Variants in EPHB1 observed in about 807,000 individuals in gnomAD.
EPHB1 encodes ephrin type-B receptor 1.
EPHB1 carries 30 observed loss-of-function variants against 94.4 expected under a neutral mutation model. The ratio of observed to expected loss-of-function variants is 0.32; its 90% CI spans 0.24 to 0.43. The LOEUF (loss-of-function observed/expected upper bound fraction) is 0.43. Among genes scored for constraint, EPHB1 ranks in the 20% least tolerant of loss-of-function variants. The pLI is 1.00. For synonymous variants in EPHB1, 522 were observed against 489.1 expected (o/e 1.07, Z -0.89); for missense variants, 1,055 against 1,308.3 (o/e 0.81, Z 2.99).
At chr3:135,191,578 C>T (rs1942457129) in intron 10 of EPHB1, among the ~76,000 whole-genome samples, 1 of 151,886 alleles carries the variant, frequency 6.6e-6, no homozygotes, top group African/African-American at 2.4e-5. Flanking sequence ...TTGGAAGTAA[C>T]CAAGCCAAAT....
Position 134,820,884 on chromosome 3 carries a change from T to C in EPHB1, c.58+25195T>C, listed in dbSNP as rs73861957. Among the ~76,000 whole-genome samples the C allele has an allele frequency of 3.8e-3, 581 of 152,228 alleles. 1 individual carries two copies. Among genetic ancestry groups the C allele is most frequent in the African/African-American group, 0.013 (559 of 41,546 alleles). On this transcript the variant is annotated intron_variant, in intron 1 of 15. Transcript: ENST00000398015. The stretch of plus-strand genomic sequence containing the variant: ...TTCCAGAGAAACAGAACCAATAGGA[T>C]ATTTATTTATTTATTTAAGATTTAT...
chr3:135,242,940 G>T (rs1039570373), intron 13 of EPHB1, among the ~76,000 whole-genome samples: 1 of 152,082 alleles, frequency 6.6e-6, no homozygotes, highest in East Asian at 1.9e-4. Context: ...GCCAGGTATG[G>T]TGGCACATGC....
At chr3:134,952,668 G>A (rs1039187091) in intron 3 of EPHB1, among the ~76,000 whole-genome samples, 1 of 152,184 alleles carries the variant, frequency 6.6e-6, no homozygotes, top group Non-Finnish European at 1.5e-5. Flanking sequence ...ATGGGAGTGG[G>A]ACTGTATCAT....
At chr3:134,803,430 C>A (rs1430675690) in intron 1 of EPHB1, among the ~76,000 whole-genome samples, 1 of 152,102 alleles carries the variant, frequency 6.6e-6, no homozygotes, top group Non-Finnish European at 1.5e-5. Flanking sequence ...TTACGGGGGC[C>A]ATGTAAGCCT....
At chr3:134,961,725 T>C (rs1933528334) in intron 3 of EPHB1, among the ~76,000 whole-genome samples, 1 of 152,234 alleles carries the variant, frequency 6.6e-6, no homozygotes, top group Non-Finnish European at 1.5e-5. Flanking sequence ...TTATATTACA[T>C]ATAGATCTGC....
chr3:134,806,027 T>C (rs2036036629), intron 1 of EPHB1, among the ~76,000 whole-genome samples: 2 of 152,054 alleles, frequency 1.3e-5, no homozygotes, highest in Admixed American at 6.6e-5. Context: ...ACATAGGAGG[T>C]GTCAATAAGT....
At chr3:135,002,336 C>T (rs935698603) in intron 3 of EPHB1, among the ~76,000 whole-genome samples, 1 of 152,194 alleles carries the variant, frequency 6.6e-6, no homozygotes, top group Non-Finnish European at 1.5e-5. Flanking sequence ...TGATGTGCTG[C>T]TGGATTCGTT....
At chr3:135,054,054 C>T (rs1352754550) in intron 3 of EPHB1, among the ~76,000 whole-genome samples, 2 of 151,020 alleles carry the variant, frequency 1.3e-5, no homozygotes, top group African/African-American at 4.9e-5. Flanking sequence ...CACACACACA[C>T]ACACACACAC....
chr3:134,824,125 CTTTTTTTTTTTTTT>C (rs373504139), intron 1 of EPHB1, among the ~76,000 whole-genome samples: 1,686 of 100,900 alleles, frequency 0.017, 56 homozygotes, highest in African/African-American at 0.054. Context: ...GGATAATGCC[CTTTTTTTTTTTTTT>C]TTTTTTTTTT....
At chr3:135,032,060 A>T (rs1159474025) in intron 3 of EPHB1, among the ~76,000 whole-genome samples, 1 of 152,014 alleles carries the variant, frequency 6.6e-6, no homozygotes, top group Non-Finnish European at 1.5e-5. Flanking sequence ...CTGAAATTTC[A>T]TGTTTCTTCT....
chr3:134,871,991 G>A (rs1056461161), intron 1 of EPHB1, among the ~76,000 whole-genome samples: 31 of 152,172 alleles, frequency 2.0e-4, no homozygotes, highest in African/African-American at 7.0e-4. Context: ...ACACAGGGGT[G>A]GTCAAACTGC....
intron 3 of EPHB1, among the ~76,000 whole-genome samples, chr3:134,988,391 A>C (rs1408973167): frequency 6.6e-6 from 1 of 152,254 alleles, no homozygotes; most frequent in African/African-American, 2.4e-5. Flanking sequence ...TCATGTGTGC[A>C]GTCACAGTCC....
chr3:134,897,061 G>A (rs1345549157), intron 1 of EPHB1, among the ~76,000 whole-genome samples: 1 of 152,240 alleles, frequency 6.6e-6, no homozygotes, highest in Non-Finnish European at 1.5e-5. Flanking sequence ...GAAAAGCAGA[G>A]GGCAGAGGTG....
At chr3:134,959,808 G>A (rs777612961) in intron 3 of EPHB1, among the ~76,000 whole-genome samples, 17 of 152,094 alleles carry the variant, frequency 1.1e-4, no homozygotes, top group Non-Finnish European at 2.9e-5. Context: ...GGGGGATTGT[G>A]TTTCTCTTAT....
intron 3 of EPHB1, among the ~76,000 whole-genome samples, chr3:134,960,074 G>A (rs1232416787): frequency 7.2e-6 from 1 of 138,146 alleles, no homozygotes; most frequent in Admixed American, 8.0e-5. Flanking sequence ...CTGAATCCAA[G>A]CCTGCCTGCA....
chr3:134,892,282 C>G (rs938968544), intron 1 of EPHB1, among the ~76,000 whole-genome samples: 1 of 152,170 alleles, frequency 6.6e-6, no homozygotes, highest in Non-Finnish European at 1.5e-5. Context: ...CTAGTTGTCA[C>G]AGTTCTTGAG....
rs562117142 is a variant in EPHB1, at chr3:134,924,410, C to A, written c.59-1406C>A. On this transcript the variant is annotated intron_variant, in intron 1 of 15. Coordinates refer to ENST00000398015, the MANE Select transcript of EPHB1 (RefSeq NM_004441.5). ...CAAACTCAATAATAAGAAAATAATC[C>A]ATTTAAAAAGGAGAAAAAGATTTGA... Among the ~76,000 whole-genome samples the A allele has an allele frequency of 1.7e-4, 26 of 152,018 alleles. No individual in the cohort carries two copies. In the East Asian group the frequency reaches 4.1e-3, roughly 24 times the overall value.
intron 2 of EPHB1, among the ~76,000 whole-genome samples, chr3:134,929,878 C>T (rs1028682514): frequency 6.6e-6 from 1 of 152,144 alleles, no homozygotes; most frequent in African/African-American, 2.4e-5. Flanking sequence ...AGGGGTCCTC[C>T]TTTTTCTGAG....
chr3:134,881,286 G>C (rs529836252), intron 1 of EPHB1, among the ~76,000 whole-genome samples: 1 of 152,264 alleles, frequency 6.6e-6, no homozygotes, highest in South Asian at 2.1e-4. Context: ...GGTATGCTGG[G>C]GTGTAACATA....
Sources: gnomAD v4.1 joint callset for allele counts (sites outside exome capture counted in the v4.1 genomes callset) on GRCh38, gnomAD v4.1.1 for gene constraint, MANE v1.5 for transcripts, NCBI Gene and HGNC (gene_info 2026-07-23, HGNC 2026-07-21) for gene names.